The following PARD3B variants were observed in gnomAD, a reference collection of about 807,000 sequenced individuals.
PARD3B encodes the protein par-3 family cell polarity regulator beta, also known as partitioning defective 3 homolog B.
Under a neutral mutation model 130.2 loss-of-function variants are expected in PARD3B, and 103 were observed. That is an observed-to-expected ratio of 0.79 (90% CI 0.67 to 0.93). The LOEUF is 0.93. Among genes scored for constraint, PARD3B ranks in the 40% least tolerant of loss-of-function variants. PARD3B has a pLI of 0.00. For missense variants in PARD3B, 1,609 were observed against 1,499.2 expected (o/e 1.07, Z -1.21); for synonymous variants, 583 against 553.2 (o/e 1.05, Z -0.76).
At chr2:205,182,981 A>G (rs1475297854) in intron 13 of PARD3B, among the ~76,000 whole-genome samples, 1 of 152,148 alleles carries the variant, frequency 6.6e-6, no homozygotes. Flanking sequence ...GGCCCTAGCA[A>G]TGGTGTCCAG....
intron 21 of PARD3B, among the ~76,000 whole-genome samples, chr2:205,532,915 A>G (rs953337748): frequency 2.0e-5 from 3 of 152,230 alleles, no homozygotes; most frequent in Non-Finnish European, 2.9e-5. Flanking sequence ...TACATCTATA[A>G]ATAAGATATT....
Position 205,599,508 on chromosome 2 carries a change from G to T in PARD3B, c.3261-15948G>T, listed in dbSNP as rs530900448. ...TCTTTATTGCAAGACCAGACAGCAA[G>T]GAAAAAGGAGTTGGGCTCAAATCTG... On this transcript the variant is annotated intron_variant, in intron 22 of 22. Transcript: ENST00000406610. Among the ~76,000 whole-genome samples the T allele has an allele frequency of 2.0e-5, 3 of 152,306 alleles. No individual in the cohort carries two copies. The East Asian group carries it at 5.8e-4, about 29-fold the overall frequency.
At chr2:205,329,963 T>G (rs13024952) in intron 18 of PARD3B, among the ~76,000 whole-genome samples, 2 of 151,386 alleles carry the variant, frequency 1.3e-5, no homozygotes, top group African/African-American at 4.9e-5. Context: ...CATTGCACTC[T>G]AGCCTGGACA....
intron 3 of PARD3B, among the ~76,000 whole-genome samples, chr2:205,012,776 A>C (rs985124853): frequency 4.6e-5 from 7 of 152,310 alleles, no homozygotes; most frequent in Admixed American, 2.0e-4. Context: ...ACATTGTTGG[A>C]ATCATGGAAA....
At chr2:204,556,739 T>G (rs2030948382) in intron 1 of PARD3B, among the ~76,000 whole-genome samples, 1 of 152,214 alleles carries the variant, frequency 6.6e-6, no homozygotes, top group Admixed American at 6.5e-5. Flanking sequence ...TACTCACATT[T>G]TGCTTAATTT....
At chr2:205,507,196 A>ATT (rs71410819) in intron 21 of PARD3B, among the ~76,000 whole-genome samples, 2,489 of 25,132 alleles carry the variant, frequency 0.099, 1,125 homozygotes, top group Non-Finnish European at 0.12. Context: ...CAGGTGCAGT[A>ATT]TTTTTTTTTT....
intron 2 of PARD3B, among the ~76,000 whole-genome samples, chr2:204,727,804 C>T (rs1449606003): frequency 1.3e-5 from 2 of 152,150 alleles, no homozygotes; most frequent in Non-Finnish European, 2.9e-5. Flanking sequence ...TTGGCATGAT[C>T]AGTGGGTGGA....
At chr2:204,694,804 A>C (rs956750978) in intron 2 of PARD3B, among the ~76,000 whole-genome samples, 1 of 151,964 alleles carries the variant, frequency 6.6e-6, no homozygotes, top group Non-Finnish European at 1.5e-5. Context: ...GTATGTGTGT[A>C]TGTACGTATG....
intron 3 of PARD3B, among the ~76,000 whole-genome samples, chr2:204,998,590 G>A (rs1434724050): frequency 6.8e-6 from 1 of 147,866 alleles, no homozygotes; most frequent in Non-Finnish European, 1.5e-5. Flanking sequence ...TTTAGGTTAA[G>A]GAAGTTTCTT....
intron 2 of PARD3B, among the ~76,000 whole-genome samples, chr2:204,883,455 A>ATATATAAAATATATATATATATATATT (rs1377428928): frequency 1.3e-5 from 1 of 77,272 alleles, no homozygotes; most frequent in African/African-American, 5.5e-5. Context: ...ATATATATAT[A>ATATATAAAATATATATATATATATATT]TTTTTTTTTT....
At chr2:205,005,153 T>C (rs1471497886) in intron 3 of PARD3B, among the ~76,000 whole-genome samples, 3 of 152,118 alleles carry the variant, frequency 2.0e-5, no homozygotes, top group African/African-American at 7.2e-5. Flanking sequence ...TTGCTCCCTC[T>C]TCTCCTCTCT....
At chr2:204,791,268 C>A (rs2042194256) in intron 2 of PARD3B, among the ~76,000 whole-genome samples, 2 of 152,150 alleles carry the variant, frequency 1.3e-5, no homozygotes, top group South Asian at 4.1e-4. Flanking sequence ...AAAATCATAG[C>A]AATTACTTTT....
chr2:204,623,770 C>T lies in PARD3B; in HGVS notation c.121-62411C>T, dbSNP rs1192182284. Among the ~76,000 whole-genome samples the T allele has an allele frequency of 6.6e-6, 1 of 152,118 alleles. No individual in the cohort carries two copies. The highest frequency in any genetic ancestry group is 2.4e-5 in the African/African-American group (1 of 41,424). ...AGGTCTCTAGAACTGAATTATGTTG[C>T]ATAAATGAAGAATTTATACCCATTG... On this transcript the variant is annotated intron_variant, in intron 1 of 22. Coordinates refer to ENST00000406610, the MANE Select transcript of PARD3B (RefSeq NM_001302769.2). This position sits in a 1 kb window ranked among gnomAD's most constrained non-coding sequence, Gnocchi z 4.5.
At chr2:204,787,864 A>G (rs1188723768) in intron 2 of PARD3B, among the ~76,000 whole-genome samples, 2 of 152,206 alleles carry the variant, frequency 1.3e-5, no homozygotes, top group Non-Finnish European at 1.5e-5. Context: ...GGGTTGTCCC[A>G]TTTTCCAGTT....
chr2:204,954,139 A>G (rs749317292), intron 2 of PARD3B, among the ~76,000 whole-genome samples: 1 of 152,208 alleles, frequency 6.6e-6, no homozygotes, highest in African/African-American at 2.4e-5. Flanking sequence ...AGGGTTAGCC[A>G]TATTATCACT....
In PARD3B at chr2:205,550,903, T is replaced by A. The variant is rs2052591502; in HGVS notation, c.3181-2421T>A. On this transcript the variant is annotated intron_variant, in intron 21 of 22. Transcript: ENST00000406610. The surrounding 1 kb of genome is among the most constrained non-coding windows in gnomAD (Gnocchi z 4.5). ...ATTTGTATGTATATATACATAATCA[T>A]GTTATAAATACATATAATTATGTGT... 2.0e-5 allele frequency among the ~76,000 whole-genome samples: 3 copies of A among 147,030 alleles called. No homozygotes were observed. Among genetic ancestry groups the A allele is most frequent in the Non-Finnish European group, 4.5e-5 (3 of 67,070 alleles).
At chr2:205,583,938 G>T (rs2054098977) in intron 22 of PARD3B, among the ~76,000 whole-genome samples, 1 of 152,116 alleles carries the variant, frequency 6.6e-6, no homozygotes, top group Non-Finnish European at 1.5e-5. Flanking sequence ...AGGAAGGGGA[G>T]GATTTTACAC....
Position 204,545,852 on chromosome 2 carries a change from C to T in PARD3B, c.-148C>T, listed in dbSNP as rs2029886148. 4.6e-6 allele frequency: 4 copies of T among 861,592 alleles called. No homozygotes were observed. Among genetic ancestry groups the T allele is most frequent in the Non-Finnish European group, 4.9e-6 (3 of 616,246 alleles). 53.4% of individuals were successfully genotyped at this position (861,592 alleles called of 1,614,324 possible). The stretch of plus-strand genomic sequence containing the variant: ...CCTGGCCAGGTGGAAGGGGCGCTGC[C>T]GCGAGCCTCCGGGCCTCAGGGTGTT... On this transcript the variant is annotated 5_prime_UTR_variant, in exon 1 of 23. Transcript: ENST00000406610.
chr2:204,735,318 T>C (rs1054449002), intron 2 of PARD3B, among the ~76,000 whole-genome samples: 10 of 149,916 alleles, frequency 6.7e-5, no homozygotes, highest in Admixed American at 5.3e-4. Context: ...CCACCTGATA[T>C]CACGTGTTTG....
Sources: allele counts gnomAD v4.1 joint callset (sites outside exome capture counted in the v4.1 genomes callset), GRCh38; gene constraint gnomAD v4.1.1; non-coding constraint Gnocchi (gnomAD v3.1); transcripts MANE v1.5; gene names NCBI Gene and HGNC (gene_info 2026-07-23, HGNC 2026-07-21).